The following TTC39C variants were observed in gnomAD, a reference collection of about 807,000 sequenced individuals.
TTC39C encodes tetratricopeptide repeat protein 39C.
TTC39C carries 33 observed loss-of-function variants against 76.3 expected under a neutral mutation model. That is an observed-to-expected ratio of 0.43 (90% CI 0.33 to 0.58). The LOEUF is 0.58. Ranked by LOEUF, TTC39C falls within the 20% of genes least tolerant of loss-of-function variation. The pLI is 0.04. For missense variants in TTC39C, 595 were observed against 701.4 expected, an observed-to-expected ratio of 0.85 and a Z score of 1.71; for synonymous variants, 254 against 260.6, an observed-to-expected ratio of 0.97 and a Z score of 0.24.
chr18:24,107,887 TAG>T (rs1491233930), intron 6 of TTC39C, among the ~76,000 whole-genome samples: 2 of 59,950 alleles, frequency 3.3e-5, no homozygotes, highest in East Asian at 3.1e-4. Flanking sequence ...GCCTCCCAAG[TAG>T]GGGGGGGGGT....
rs540285418 is a variant in TTC39C at position 24,035,551 on chromosome 18, G to A, written c.167+20513G>A. Reference sequence around the variant, plus strand: ...AGTGATATTGAGCATCTGTTCATGCGCTTGTTGGTCATTTGTATATATTCT... The same window carrying A: ...AGTGATATTGAGCATCTGTTCATGCACTTGTTGGTCATTTGTATATATTCT... On this transcript the variant is annotated intron_variant, in intron 1 of 13. Coordinates refer to ENST00000317571, the MANE Select transcript of TTC39C (RefSeq NM_001135993.2). Among the ~76,000 whole-genome samples the A allele has an allele frequency of 7.9e-5, 12 of 152,228 alleles. No homozygotes were observed. The South Asian group carries it at 1.9e-3, about 24-fold the overall frequency.
chr18:24,110,376 TA>T (rs1412196749), intron 6 of TTC39C, among the ~76,000 whole-genome samples: 1 of 152,244 alleles, frequency 6.6e-6, no homozygotes, highest in Non-Finnish European at 1.5e-5. Context: ...TGTGCTGTTA[TA>T]AGTATTTTAA....
At chr18:24,023,991 TATATATATATATATATATATATA>T (rs2083560611) in intron 1 of TTC39C, among the ~76,000 whole-genome samples, 1 of 5,398 alleles carries the variant, frequency 1.9e-4, no homozygotes, top group African/African-American at 5.5e-4. Context: ...CATATATATA[TATATATATATATATATATATATA>T]TATTTTTTTT....
rs1304495086 is a variant in TTC39C at position 24,069,139 on chromosome 18, AT to A, written c.346-16del. Reference sequence around the variant, plus strand: ...TTATGTGTGATTTATCAGTGTGGACATTCTTTCTGCCAAACAGGTTGATGTC... The same window carrying A: ...TTATGTGTGATTTATCAGTGTGGACATCTTTCTGCCAAACAGGTTGATGTC... On this transcript the variant is annotated splice_polypyrimidine_tract_variant and intron_variant, in intron 3 of 13. Coordinates refer to ENST00000317571, the MANE Select transcript of TTC39C (RefSeq NM_001135993.2). 8 of 1,595,208 alleles carry A rather than the reference AT, an allele frequency of 5.0e-6. No homozygotes were observed. The highest frequency in any genetic ancestry group is 6.9e-6 in the Non-Finnish European group (8 of 1,162,932).
chr18:24,043,620 C>CAA (rs2083825008), intron 1 of TTC39C, among the ~76,000 whole-genome samples: 1 of 152,170 alleles, frequency 6.6e-6, no homozygotes, highest in Non-Finnish European at 1.5e-5. Context: ...TGTAGTTGCT[C>CAA]AACACGAGGC....
At chr18:24,035,761 A>G (rs1301877604) in intron 1 of TTC39C, among the ~76,000 whole-genome samples, 1 of 152,122 alleles carries the variant, frequency 6.6e-6, no homozygotes, top group Non-Finnish European at 1.5e-5. Context: ...GTGTCCTTTG[A>G]TGCAGAAAAA....
At chr18:24,113,848 G>A in intron 6 of TTC39C, 1 of 613,060 alleles carries the variant, frequency 1.6e-6, no homozygotes, top group Non-Finnish European at 2.9e-6. Context: ...ACATTTGAGA[G>A]TTTGCTGGGT....
intron 1 of TTC39C, among the ~76,000 whole-genome samples, chr18:24,055,608 T>C (rs1038765283): frequency 5.9e-5 from 9 of 152,210 alleles, no homozygotes; most frequent in African/African-American, 2.2e-4. Flanking sequence ...TGCTGAGTTG[T>C]AGGAGCTCTA....
At chr18:24,094,670 A>T (rs2084567173) in intron 6 of TTC39C, among the ~76,000 whole-genome samples, 1 of 152,254 alleles carries the variant, frequency 6.6e-6, no homozygotes, top group South Asian at 2.1e-4. Context: ...CACATACATT[A>T]TCAGTAAGCA....
chr18:24,050,563 C>CA (rs67885761), intron 1 of TTC39C, among the ~76,000 whole-genome samples: 50,317 of 76,940 alleles, frequency 0.65, 16,094 homozygotes, highest in Non-Finnish European at 0.72. Flanking sequence ...GACCCTGTCT[C>CA]AAAAAAAAAA....
At chr18:23,995,186 G>A (rs781265106) in intron 1 of TTC39C, among the ~76,000 whole-genome samples, 3 of 152,060 alleles carry the variant, frequency 2.0e-5, no homozygotes, top group Non-Finnish European at 2.9e-5. Context: ...AAATGGAATC[G>A]GCCAGGCGTG....
chr18:24,013,439 AAGCAAC>A (rs1242711527), upstream of TTC39C, among the ~76,000 whole-genome samples: 1 of 152,250 alleles, frequency 6.6e-6, no homozygotes, highest in Non-Finnish European at 1.5e-5. Flanking sequence ...AAATAAGTAA[AAGCAAC>A]TTACATGACA....
At chr18:24,015,086 G>T in intron 1 of TTC39C, 48 bp downstream of exon 1, 2 of 1,367,022 alleles carry the variant, frequency 1.5e-6, no homozygotes, top group Non-Finnish European at 1.9e-6. Context: ...CGCACCTCGT[G>T]TCCGGCTCAC....
chr18:24,033,447 C>T (rs940849692), intron 1 of TTC39C, among the ~76,000 whole-genome samples: 15 of 152,152 alleles, frequency 9.9e-5, no homozygotes, highest in Admixed American at 3.9e-4. Flanking sequence ...CAAGCTGACT[C>T]AATTTCTACT....
intron 4 of TTC39C, among the ~76,000 whole-genome samples, chr18:24,077,917 T>A (rs765285192): frequency 7.2e-5 from 11 of 152,228 alleles, no homozygotes; most frequent in Non-Finnish European, 1.0e-4. Context: ...CAAGGTTTTC[T>A]CCAGGCTTTC....
intron 1 of TTC39C, among the ~76,000 whole-genome samples, chr18:23,997,578 GAA>G (rs2083273246): frequency 5.1e-5 from 5 of 97,306 alleles, no homozygotes; most frequent in African/African-American, 2.0e-4. Flanking sequence ...AAAAAAAAGA[GAA>G]AGAAAGAAAG....
chr18:24,126,145 C>T (rs1367383903), intron 10 of TTC39C, among the ~76,000 whole-genome samples: 3 of 152,078 alleles, frequency 2.0e-5, no homozygotes, highest in African/African-American at 7.2e-5. Flanking sequence ...TTTGATCATG[C>T]CCCACCACTA....
intron 3 of TTC39C, among the ~76,000 whole-genome samples, chr18:24,067,509 T>A (rs1039847406): frequency 2.0e-5 from 3 of 152,168 alleles, no homozygotes; most frequent in African/African-American, 7.2e-5. Flanking sequence ...CCACCTGAGC[T>A]TCGCCTCCTG....
intron 1 of TTC39C, among the ~76,000 whole-genome samples, chr18:24,050,909 A>ATCTT (rs2083941126): frequency 6.6e-6 from 1 of 151,044 alleles, no homozygotes; most frequent in South Asian, 2.1e-4. Context: ...TGTTTTTGTC[A>ATCTT]TCTTGTTGTT....
Sources: gnomAD v4.1 joint callset for allele counts (sites outside exome capture counted in the v4.1 genomes callset) on GRCh38, gnomAD v4.1.1 for gene constraint, MANE v1.5 for transcripts, NCBI Gene and HGNC (gene_info 2026-07-23, HGNC 2026-07-21) for gene names.